FBXO34: variants seen among roughly 807,000 people sequenced by gnomAD.
FBXO34 encodes F-box only protein 34.
In FBXO34, 12 loss-of-function variants were observed where a neutral mutation model predicts 24.5. The observed-to-expected ratio is 0.49, with a 90% CI of 0.31 to 0.79. The LOEUF (loss-of-function observed/expected upper bound fraction) is 0.79. Among genes scored for constraint, FBXO34 ranks in the 30% least tolerant of loss-of-function variants. The pLI is 0.04. For missense variants in FBXO34, 823 were observed against 857.7 expected, an observed-to-expected ratio of 0.96 and a Z score of 0.51; for synonymous variants, 320 against 311.9, an observed-to-expected ratio of 1.03 and a Z score of -0.27.
At chr14:55,291,913 C>T (rs1881956286) in intron 1 of FBXO34, among the ~76,000 whole-genome samples, 1 of 152,034 alleles carries the variant, frequency 6.6e-6, no homozygotes, top group African/African-American at 2.4e-5. Context: ...TTACAGTGGG[C>T]TGTCATTGCA....
chr14:55,319,807 C>G (rs184820329), intron 1 of FBXO34, among the ~76,000 whole-genome samples: 1 of 152,288 alleles, frequency 6.6e-6, no homozygotes, highest in African/African-American at 2.4e-5. Flanking sequence ...TCCCAAGTAG[C>G]TGGGACTATG....
At chr14:55,355,727 A>C (rs1884512784), downstream of FBXO34, among the ~76,000 whole-genome samples, 1 of 152,130 alleles carries the variant, frequency 6.6e-6, no homozygotes, top group Non-Finnish European at 1.5e-5. Context: ...GAGCTTGCCC[A>C]CCCACTGCAC....
At chr14:55,323,571 C>T (rs548647215) in intron 1 of FBXO34, among the ~76,000 whole-genome samples, 9 of 151,748 alleles carry the variant, frequency 5.9e-5, no homozygotes, top group East Asian at 2.0e-4. Context: ...TTAGTAGAGA[C>T]GGAGTTTCAC....
At chr14:55,418,029 T>G in the FBXO34 span, among the ~76,000 whole-genome samples, 51 of 152,322 alleles carry the variant, frequency 3.3e-4, no homozygotes, top group East Asian at 9.6e-3. Context: ...AGCTAAGGTT[T>G]GTAGAAAGTT....
chr14:55,361,268 G>A (rs938043032), intron 3 of FBXO34, among the ~76,000 whole-genome samples: 2 of 152,220 alleles, frequency 1.3e-5, no homozygotes, highest in African/African-American at 4.8e-5. Flanking sequence ...CTCCATCAGA[G>A]CTCTTGGATG....
At chr14:55,368,373 C>G (rs1884732424), downstream of FBXO34, 1 of 152,270 alleles carries the variant, frequency 6.6e-6, no homozygotes, top group African/African-American at 2.4e-5. Context: ...GCGTGCGCCA[C>G]CACACCCGGT....
chr14:55,290,986 GTTT>G (rs564158406), intron 1 of FBXO34, among the ~76,000 whole-genome samples: 1 of 147,968 alleles, frequency 6.8e-6, no homozygotes, highest in African/African-American at 2.5e-5. Flanking sequence ...TGCCCACCTA[GTTT>G]TTTTTTTGTA....
At chr14:55,440,784 G>C in the FBXO34 span, among the ~76,000 whole-genome samples, 1 of 152,126 alleles carries the variant, frequency 6.6e-6, no homozygotes, top group Non-Finnish European at 1.5e-5. Flanking sequence ...GATTTCCTTC[G>C]ATACTCGCAA....
At chr14:55,376,063 GAAAT>G in the FBXO34 span, among the ~76,000 whole-genome samples, 19 of 152,304 alleles carry the variant, frequency 1.2e-4, no homozygotes, top group African/African-American at 4.6e-4. Flanking sequence ...TTAATGTGAT[GAAAT>G]AATAAATACT....
the FBXO34 span, chr14:55,390,771 G>T: frequency 2.5e-5 from 16 of 629,990 alleles, no homozygotes; most frequent in Non-Finnish European, 4.5e-5. Context: ...TACAAGGAAA[G>T]ATGAGGGCGA....
At chr14:55,356,378 G>A (rs979382872), downstream of FBXO34, among the ~76,000 whole-genome samples, 3 of 152,248 alleles carry the variant, frequency 2.0e-5, no homozygotes, top group South Asian at 2.1e-4. Flanking sequence ...GCTGTATGTC[G>A]GGTATGCCTC....
At chr14:55,326,661 G>T (rs1309130190) in intron 1 of FBXO34, among the ~76,000 whole-genome samples, 1 of 152,166 alleles carries the variant, frequency 6.6e-6, no homozygotes, top group African/African-American at 2.4e-5. Flanking sequence ...CTTATGAATA[G>T]AATTTAAGAG....
chr14:55,400,631 G>A, the FBXO34 span, among the ~76,000 whole-genome samples: 1,475 of 152,242 alleles, frequency 9.7e-3, 31 homozygotes, highest in African/African-American at 0.033. Context: ...GGGCCGGTGC[G>A]GTGGCTCACA....
At chr14:55,440,374 G>A in the FBXO34 span, 1 of 1,612,904 alleles carries the variant, frequency 6.2e-7, no homozygotes, top group Non-Finnish European at 8.5e-7. Flanking sequence ...TCCTGACTCT[G>A]GGACAGTGGC....
chr14:55,401,991 C>T, the FBXO34 span, among the ~76,000 whole-genome samples: 12 of 152,210 alleles, frequency 7.9e-5, no homozygotes, highest in Admixed American at 7.9e-4. Context: ...GCGAGTCTCA[C>T]TTCCACTCTG....
chr14:55,351,958 A>G lies in FBXO34; in HGVS notation c.1568A>G (p.Glu523Gly), dbSNP rs200317289. 6.8e-6 allele frequency: 11 copies of G among 1,614,156 alleles called. No homozygotes were observed. The East Asian group carries it at 2.2e-4, about 33-fold the overall frequency. Reference sequence around the variant, plus strand: ...GCTGGGGGTGACAGTGCATCTGAGGAAAAAAGTGGGTCTGCTGAGCCATTT... The same window carrying G: ...GCTGGGGGTGACAGTGCATCTGAGGGAAAAAGTGGGTCTGCTGAGCCATTT... ...DAAGGDSASEEKSGSAEPFVL... is the reference protein window; with the variant it reads ...DAAGGDSASEGKSGSAEPFVL... The change falls in exon 2 of 2, where the codon GAA becomes GGA. Residue 523 changes from glutamate to glycine, a missense_variant. Transcript: ENST00000313833.
At chr14:55,367,744 CA>C (rs139279146) in exon 3 of FBXO34, 54,967 of 141,862 alleles carry the variant, frequency 0.39, 10,312 homozygotes, top group Non-Finnish European at 0.43. Context: ...ACTCCGTCTC[CA>C]AAAAAAAAAA....
At chr14:55,367,961 A>C (rs1373904084) in exon 3 of FBXO34, 1 of 152,652 alleles carries the variant, frequency 6.6e-6, no homozygotes, top group African/African-American at 2.4e-5. Flanking sequence ...TGATGAGAAA[A>C]GAAGCTGGGG....
At chr14:55,385,819 C>T in the FBXO34 span, 163 of 1,496,574 alleles carry the variant, frequency 1.1e-4, no homozygotes, top group African/African-American at 1.8e-3. Context: ...GTATTTGGAA[C>T]TTGATCTATT....
Sources: allele counts gnomAD v4.1 joint callset (sites outside exome capture counted in the v4.1 genomes callset), GRCh38; gene constraint gnomAD v4.1.1; transcripts MANE v1.5; gene names NCBI Gene and HGNC (gene_info 2026-07-23, HGNC 2026-07-21).